PAK3: variants seen among roughly 807,000 people sequenced by gnomAD.
PAK3 encodes p21 (RAC1) activated kinase 3.
Under a neutral mutation model 41.0 loss-of-function variants are expected in PAK3, and 4 were observed. The ratio of observed to expected loss-of-function variants is 0.10; its 90% CI spans 0.05 to 0.22. The LOEUF (loss-of-function observed/expected upper bound fraction) is 0.22, where lower values mean the gene tolerates loss of function less well. Among genes scored for constraint, PAK3 ranks in the 10% least tolerant of loss-of-function variants. The pLI, the probability that PAK3 is intolerant of heterozygous loss-of-function variation, is 1.00. For synonymous variants in PAK3, 146 were observed against 139.6 expected (o/e 1.05, Z -0.32); for missense variants, 205 against 409.9 (o/e 0.50, Z 4.32).
At chrX:110,985,137 C>G (rs914165185) in intron 1 of PAK3, among the ~76,000 whole-genome samples, 2 of 111,761 alleles carry the variant, frequency 1.8e-5, no homozygotes, top group Non-Finnish European at 3.8e-5. Context: ...TTGCTTAAAG[C>G]CTTCCATTTA....
At chrX:111,160,234 C>A (rs2094153244) in intron 8 of PAK3, among the ~76,000 whole-genome samples, 1 of 111,254 alleles carries the variant, frequency 9.0e-6, no homozygotes, top group Admixed American at 9.6e-5. Flanking sequence ...TTTAAATTTT[C>A]TAGTAACCAC....
intron 16 of PAK3, among the ~76,000 whole-genome samples, chrX:111,207,659 C>T (rs372759830): frequency 2.7e-5 from 3 of 112,076 alleles, no homozygotes; most frequent in Admixed American, 9.4e-5. Flanking sequence ...GAGGTGACAG[C>T]GCCATACAAG....
intron 7 of PAK3, among the ~76,000 whole-genome samples, chrX:111,151,344 C>G (rs1186570174): frequency 8.9e-6 from 1 of 112,467 alleles, no homozygotes; most frequent in Non-Finnish European, 1.9e-5. Flanking sequence ...CCAAATTTCT[C>G]TCAACTTACA....
intron 1 of PAK3, among the ~76,000 whole-genome samples, chrX:111,037,772 C>A (rs965772546): frequency 6.3e-5 from 7 of 111,521 alleles, no homozygotes; most frequent in African/African-American, 2.3e-4. Context: ...TCTTTTTTCT[C>A]TTGAACTCTT....
intron 1 of PAK3, among the ~76,000 whole-genome samples, chrX:110,988,447 GTT>G (rs1456770542): frequency 8.9e-6 from 1 of 111,873 alleles, no homozygotes; most frequent in East Asian, 2.8e-4. Flanking sequence ...TATAAAGACA[GTT>G]ATATTTATCA....
chrX:111,077,409 T>G (rs2092795097), intron 1 of PAK3, among the ~76,000 whole-genome samples: 1 of 112,059 alleles, frequency 8.9e-6, no homozygotes, highest in Admixed American at 9.5e-5. Context: ...CTTCAAAATA[T>G]ATCACAAAAC....
chrX:111,122,408 C>T (rs2093591373), intron 4 of PAK3, among the ~76,000 whole-genome samples: 2 of 109,887 alleles, frequency 1.8e-5, no homozygotes, highest in African/African-American at 6.6e-5. Flanking sequence ...GTTATGGTGT[C>T]TCCTCGGGAA....
intron 1 of PAK3, among the ~76,000 whole-genome samples, chrX:111,040,210 C>T (rs182060342): frequency 9.1e-6 from 1 of 110,234 alleles, no homozygotes; most frequent in Non-Finnish European, 1.9e-5. Context: ...GAATGAGTTA[C>T]TTAAACTCAC....
chrX:111,020,981 C>G (rs1005970364), intron 1 of PAK3, among the ~76,000 whole-genome samples: 1 of 111,343 alleles, frequency 9.0e-6, no homozygotes, highest in Non-Finnish European at 1.9e-5. Context: ...ACACCCCCAT[C>G]CCCCACAGCA....
rs193064126 is a variant in PAK3, at chrX:111,143,657, C to T, written c.276+1461C>T. ...CACCATCATCACCACCAGAAAAAAACGTAATTTGTATAACCTGAAAAACGT... is the reference window on the plus strand; with the variant it reads ...CACCATCATCACCACCAGAAAAAAATGTAATTTGTATAACCTGAAAAACGT... On this transcript the variant is annotated intron_variant, in intron 6 of 17. Coordinates refer to ENST00000372007, the MANE Select transcript of PAK3 (RefSeq NM_002578.5). Among the ~76,000 whole-genome samples the T allele has an allele frequency of 7.6e-4, 84 of 110,860 alleles. 1 individual carries two copies. In the South Asian group the frequency reaches 0.026, roughly 35 times the overall value.
At chrX:111,103,463 A>C (rs1451550963) in intron 4 of PAK3, among the ~76,000 whole-genome samples, 157 bp downstream of exon 4, 1 of 112,428 alleles carries the variant, frequency 8.9e-6, no homozygotes, top group African/African-American at 3.2e-5. Context: ...TGCCCAGTAC[A>C]GCTGCCTTTA....
At chrX:111,043,973 A>G (rs972308135) in intron 1 of PAK3, among the ~76,000 whole-genome samples, 1 of 112,264 alleles carries the variant, frequency 8.9e-6, no homozygotes, top group African/African-American at 3.2e-5. Flanking sequence ...GGTTCTCACT[A>G]TCACTTCATT....
intron 1 of PAK3, among the ~76,000 whole-genome samples, chrX:111,040,902 T>C (rs1488916256): frequency 9.0e-6 from 1 of 111,488 alleles, no homozygotes; most frequent in Non-Finnish European, 1.9e-5. Context: ...CCAGTGGTAG[T>C]GAAATGGGGT....
intron 1 of PAK3, among the ~76,000 whole-genome samples, chrX:111,047,203 G>T (rs1449048266): frequency 8.9e-6 from 1 of 111,984 alleles, no homozygotes; most frequent in African/African-American, 3.2e-5. Flanking sequence ...GAGACAAAGA[G>T]GACTAATGCG....
intron 1 of PAK3, among the ~76,000 whole-genome samples, chrX:110,971,089 T>C (rs895853245): frequency 4.4e-5 from 5 of 112,360 alleles, no homozygotes; most frequent in Admixed American, 1.9e-4. Flanking sequence ...AAAAATCAGC[T>C]TGAGATAAGA....
At chrX:110,951,399 A>G (rs1349095961) in intron 1 of PAK3, among the ~76,000 whole-genome samples, 2 of 112,367 alleles carry the variant, frequency 1.8e-5, no homozygotes, top group Non-Finnish European at 3.8e-5. Context: ...TCCTTGCACT[A>G]TGTCATATAC....
chrX:111,058,351 A>AT (rs763510577), intron 1 of PAK3, among the ~76,000 whole-genome samples: 2 of 111,520 alleles, frequency 1.8e-5, no homozygotes, highest in East Asian at 5.7e-4. Flanking sequence ...GTTATTGTCT[A>AT]TTTTTTTGTG....
chrX:111,129,629 AC>A (rs980368313), intron 5 of PAK3, among the ~76,000 whole-genome samples: 23 of 111,663 alleles, frequency 2.1e-4, no homozygotes, highest in Non-Finnish European at 3.4e-4. Context: ...GAATGGGGAA[AC>A]TGGGCACAAA....
chrX:110,993,401 C>T (rs921560419), intron 1 of PAK3, among the ~76,000 whole-genome samples: 8 of 111,333 alleles, frequency 7.2e-5, no homozygotes, highest in East Asian at 2.8e-4. Context: ...TATTCCAACC[C>T]GTCTGAGCTT....
Sources: gnomAD v4.1 joint callset for allele counts (sites outside exome capture counted in the v4.1 genomes callset) on GRCh38, gnomAD v4.1.1 for gene constraint, MANE v1.5 for transcripts, NCBI Gene and HGNC (gene_info 2026-07-23, HGNC 2026-07-21) for gene names.